Variants in OPRD1 observed in about 807,000 individuals in gnomAD.
OPRD1 encodes opioid receptor delta 1.
Under a neutral mutation model 17.5 loss-of-function variants are expected in OPRD1, and 19 were observed. The ratio of observed to expected loss-of-function variants is 1.09; its 90% confidence interval spans 0.76 to 1.60. The LOEUF (loss-of-function observed/expected upper bound fraction) is 1.60, where lower values mean the gene tolerates loss of function less well. Ranked by LOEUF, OPRD1 falls within the 40% of genes most tolerant of loss-of-function variation. OPRD1 has a pLI of 0.00. For missense variants in OPRD1, 483 were observed against 547.2 expected (o/e 0.88, Z 1.17); for synonymous variants, 256 against 240.9 (o/e 1.06, Z -0.58).
chr1:28,843,685 A>G (rs1003038898), intron 1 of OPRD1, among the ~76,000 whole-genome samples: 2 of 151,120 alleles, frequency 1.3e-5, no homozygotes, highest in Non-Finnish European at 3.0e-5. Flanking sequence ...CAGTGGTGTG[A>G]TCTCGGCTTA....
At position 28,863,115 on chromosome 1, in the gene OPRD1, C is replaced by T. The variant is rs1474375069; in HGVS notation, c.951C>T (p.Leu317=). ...CCAATAGCAGCCTCAACCCCGTGCT[C>T]TACGCTTTCCTCGACGAGAACTTCA... ...GYANSSLNPV[L]YAFLDENFKR... is the part of the protein sequence containing the mutation. Residue 317 remains leucine (L), a synonymous_variant, in exon 3 of 3, where the codon CTC becomes CTT. Coordinates refer to ENST00000234961, the MANE Select transcript of OPRD1 (RefSeq NM_000911.4). 6.2e-7 allele frequency: 1 copy of T among 1,610,260 alleles called. No individual in the cohort carries two copies. Among genetic ancestry groups the T allele is most frequent in the East Asian group, 2.2e-5 (1 of 44,776 alleles).
In OPRD1 at chr1:28,868,297, A is replaced by G. The variant is rs2089191378; in HGVS notation, c.*5014A>G. 1 of 152,182 alleles carries G rather than the reference A, an allele frequency of 6.6e-6. No individual in the cohort carries two copies. The highest frequency in any genetic ancestry group is 1.5e-5 in the Non-Finnish European group (1 of 68,036). 9.4% of individuals were successfully genotyped at this position (152,182 alleles called of 1,614,324 possible). ...GAGATGTGGGAATTGGTCCATCTCT[A>G]ATACGATCATCAGCCTCACTTAATA... On this transcript the variant is annotated 3_prime_UTR_variant, in exon 3 of 3. Coordinates refer to ENST00000234961, the MANE Select transcript of OPRD1 (RefSeq NM_000911.4).
chr1:28,843,625 T>G (rs1224421810), intron 1 of OPRD1, among the ~76,000 whole-genome samples: 2 of 152,132 alleles, frequency 1.3e-5, no homozygotes, highest in African/African-American at 4.8e-5. Context: ...TTCTTCTTCT[T>G]TTTTTTGTCT....
At chr1:28,849,875 CTTTTTTTTTTTTT>C (rs34907861) in intron 1 of OPRD1, among the ~76,000 whole-genome samples, 2 of 118,102 alleles carry the variant, frequency 1.7e-5, no homozygotes, top group African/African-American at 6.5e-5. Context: ...GAGAGTCAAA[CTTTTTTTTTTTTT>C]TTTTTTTTTG....
chr1:28,812,641 C>G (rs759858866), intron 1 of OPRD1, 31 bp downstream of exon 1: 1 of 1,454,688 alleles, frequency 6.9e-7, no homozygotes, highest in Non-Finnish European at 9.1e-7. Flanking sequence ...CGCCGCAGGG[C>G]TGGAGCCCGG....
intron 1 of OPRD1, among the ~76,000 whole-genome samples, chr1:28,837,457 G>A (rs2088862196): frequency 6.6e-6 from 1 of 151,982 alleles, no homozygotes; most frequent in African/African-American, 2.4e-5. Flanking sequence ...AGACCAGCCT[G>A]GTTAACATCA....
rs564978134 is a variant in OPRD1 at position 28,870,930 on chromosome 1, C to T, written c.*7647C>T. The stretch of plus-strand genomic sequence containing the variant: ...GCTGTGGTGTTGGGCAGGTCTCTGT[C>T]CCTCTCTGGGCCTCTGCACGATGGA... On this transcript the variant is annotated 3_prime_UTR_variant, in exon 3 of 3. Coordinates refer to ENST00000234961, the MANE Select transcript of OPRD1 (RefSeq NM_000911.4). 2.7e-4 allele frequency: 41 copies of T among 152,350 alleles called. No individual in the cohort carries two copies. Among genetic ancestry groups the T allele is most frequent in the African/African-American group, 9.6e-4 (40 of 41,554 alleles). 9.4% of individuals were successfully genotyped at this position (152,350 alleles called of 1,614,324 possible). A position where few individuals can be genotyped will look rare whatever the true frequency, so the allele number is the denominator to read the frequency against.
At chr1:28,812,818 G>A (rs1436079809) in intron 1 of OPRD1, among the ~76,000 whole-genome samples, 1 of 151,838 alleles carries the variant, frequency 6.6e-6, no homozygotes, top group South Asian at 2.1e-4. Context: ...GTGTGGTGCG[G>A]GGGGGGGAGT....
At position 28,812,592 on chromosome 1, in the gene OPRD1, T is replaced by G; in HGVS notation, c.209T>G (p.Val70Gly). Reference protein sequence around the residue: ...CAVGLLGNVLVMFGIVRYTKM... With the variant: ...CAVGLLGNVLGMFGIVRYTKM... ...GTGGGGCTGCTGGGCAACGTGCTTG[T>G]CATGTTCGGCATCGTCCGGTGAGTC... Residue 70 changes from valine to glycine, a missense_variant, in exon 1 of 3, where the codon GTC (valine) becomes GGC (glycine). Val to Gly is a moderately radical substitution (Grantham distance 109). Transcript: ENST00000234961. 6.4e-7 allele frequency: 1 copy of G among 1,556,608 alleles called. No homozygotes were observed. Among genetic ancestry groups the G allele is most frequent in the Non-Finnish European group, 8.6e-7 (1 of 1,157,844 alleles).
intron 1 of OPRD1, among the ~76,000 whole-genome samples, chr1:28,854,558 G>T (rs571168399): frequency 7.2e-5 from 11 of 152,040 alleles, no homozygotes; most frequent in Non-Finnish European, 1.6e-4. Flanking sequence ...ACTTACGTGG[G>T]TGATGAATTG....
chr1:28,823,066 G>A (rs2088729325), intron 1 of OPRD1, among the ~76,000 whole-genome samples: 1 of 152,088 alleles, frequency 6.6e-6, no homozygotes, highest in South Asian at 2.1e-4. Flanking sequence ...GAGCTGTGGG[G>A]TGGAATGAGG....
chr1:28,840,070 C>T (rs960897053), intron 1 of OPRD1, among the ~76,000 whole-genome samples: 6 of 152,092 alleles, frequency 3.9e-5, no homozygotes, highest in African/African-American at 1.2e-4. Context: ...GGTGCTAGGT[C>T]CTGGGAGACA....
At chr1:28,812,911 T>A (rs1012452087) in intron 1 of OPRD1, among the ~76,000 whole-genome samples, 1 of 152,202 alleles carries the variant, frequency 6.6e-6, no homozygotes. Context: ...TCAGTTTGTG[T>A]GTCTGTCACA....
chr1:28,843,463 G>T (rs992004609), intron 1 of OPRD1, among the ~76,000 whole-genome samples: 12 of 152,104 alleles, frequency 7.9e-5, no homozygotes, highest in Non-Finnish European at 1.3e-4. Context: ...CTAGCCCCTC[G>T]TAACCCCAGG....
chr1:28,816,848 T>A (rs545016405), intron 1 of OPRD1, among the ~76,000 whole-genome samples: 4 of 151,948 alleles, frequency 2.6e-5, no homozygotes, highest in Non-Finnish European at 1.5e-5. Context: ...ACTGGGTAGG[T>A]GTGGTGTGAT....
chr1:28,833,916 T>G (rs1005106157), intron 1 of OPRD1, among the ~76,000 whole-genome samples: 33 of 152,194 alleles, frequency 2.2e-4, no homozygotes, highest in African/African-American at 8.0e-4. Flanking sequence ...CACACAAAAG[T>G]AGGTGGTCAC....
chr1:28,817,729 G>A (rs2088681091), intron 1 of OPRD1, among the ~76,000 whole-genome samples: 1 of 151,986 alleles, frequency 6.6e-6, no homozygotes, highest in Non-Finnish European at 1.5e-5. Context: ...TTTTTGGATG[G>A]AGTCTCACTG....
intron 1 of OPRD1, among the ~76,000 whole-genome samples, chr1:28,824,504 C>G (rs551769388): frequency 8.7e-5 from 13 of 150,168 alleles, no homozygotes; most frequent in Admixed American, 2.7e-4. Context: ...ATTTTTAGTA[C>G]AGACAGGGTT....
intron 2 of OPRD1, among the ~76,000 whole-genome samples, chr1:28,861,913 CTTTTT>C (rs34765043): frequency 7.6e-5 from 4 of 52,948 alleles, no homozygotes; most frequent in African/African-American, 1.9e-4. Context: ...CTTTTCTTTT[CTTTTT>C]TTTTTTTTTT....
Sources: gnomAD v4.1 joint callset for allele counts (sites outside exome capture counted in the v4.1 genomes callset) on GRCh38, gnomAD v4.1.1 for gene constraint, MANE v1.5 for transcripts, NCBI Gene and HGNC (gene_info 2026-07-23, HGNC 2026-07-21) for gene names.